TMEM170B: variants seen among roughly 807,000 people sequenced by gnomAD.
The protein encoded by TMEM170B is transmembrane protein 170B.
Under a neutral mutation model 13.0 loss-of-function variants are expected in TMEM170B, and 6 were observed. That is an observed-to-expected ratio of 0.46 (90% confidence interval 0.25 to 0.91). The LOEUF (loss-of-function observed/expected upper bound fraction) is 0.91. Among genes scored for constraint, TMEM170B ranks in the 40% least tolerant of loss-of-function variants. TMEM170B has a pLI of 0.17. For missense variants in TMEM170B, 138 were observed against 165.2 expected (o/e 0.84, Z 0.90); for synonymous variants, 61 against 64.9 (o/e 0.94, Z 0.29).
chr6:11,563,924 C>T (rs767935801), intron 1 of TMEM170B, among the ~76,000 whole-genome samples: 3 of 152,124 alleles, frequency 2.0e-5, no homozygotes, highest in Non-Finnish European at 4.4e-5. Context: ...GAGCTGTGGT[C>T]ACGCCACTGC....
intron 2 of TMEM170B, among the ~76,000 whole-genome samples, chr6:11,573,821 T>C (rs374336471): frequency 2.6e-5 from 4 of 152,304 alleles, no homozygotes; most frequent in African/African-American, 9.6e-5. Flanking sequence ...AGTATTACTC[T>C]AGTTTATTTT....
chr6:11,538,400 C>T, intron 1 of TMEM170B, 26 bp downstream of exon 1: 8 of 1,467,076 alleles, frequency 5.5e-6, no homozygotes, highest in Non-Finnish European at 6.4e-6. Context: ...GGGCTGGGGA[C>T]GGGGATGCGG....
In TMEM170B at chr6:11,559,196, T is replaced by C. The variant is rs1339217291; in HGVS notation, c.98-6470T>C. ...CTTTATATATTTTTTTCTTTTCTTT[T>C]CTTTTTTTTTTTTTTGAGACGGGGT... On this transcript the variant is annotated intron_variant, in intron 1 of 2. Transcript: ENST00000379426. Among the ~76,000 whole-genome samples the C allele has an allele frequency of 1.3e-5, 2 of 150,600 alleles. 1 individual carries two copies. The highest frequency in any genetic ancestry group is 4.2e-4 in the South Asian group (2 of 4,790).
At chr6:11,549,663 A>T (rs575426308) in intron 1 of TMEM170B, among the ~76,000 whole-genome samples, 15 of 129,490 alleles carry the variant, frequency 1.2e-4, no homozygotes, top group African/African-American at 3.8e-4. Flanking sequence ...ACTCCGTCTC[A>T]AAAAAAAAAA....
At position 11,558,748 on chromosome 6, in the gene TMEM170B, G is replaced by A. The variant is rs1206756764; in HGVS notation, c.98-6918G>A. ...ACCCACACCCTTGCCACAGGGCTGT[G>A]TACCCCATAGCATCACGTACATACT... On this transcript the variant is annotated intron_variant, in intron 1 of 2. Transcript: ENST00000379426. 1.3e-5 allele frequency among the ~76,000 whole-genome samples: 2 copies of A among 152,166 alleles called. 1 individual carries two copies. Among genetic ancestry groups the A allele is most frequent in the East Asian group, 3.8e-4 (2 of 5,204 alleles).
At chr6:11,567,612 A>G (rs191604681) in intron 2 of TMEM170B, among the ~76,000 whole-genome samples, 1 of 152,238 alleles carries the variant, frequency 6.6e-6, no homozygotes, top group East Asian at 1.9e-4. Flanking sequence ...CTTATCCTTC[A>G]ATTGCTATTT....
intron 1 of TMEM170B, among the ~76,000 whole-genome samples, chr6:11,538,682 C>G (rs929272142): frequency 8.5e-5 from 13 of 152,244 alleles, no homozygotes; most frequent in Non-Finnish European, 2.9e-5. Context: ...AGTGCTGAGA[C>G]TTGAGCGCAT....
chr6:11,566,564 TGA>T (rs1185539993), intron 2 of TMEM170B, among the ~76,000 whole-genome samples: 2 of 152,186 alleles, frequency 1.3e-5, no homozygotes, highest in African/African-American at 4.8e-5. Context: ...ATAATTCGAC[TGA>T]GGGGTGTAAG....
intron 2 of TMEM170B, 26 bp downstream of exon 2, chr6:11,565,862 G>C: frequency 6.2e-7 from 1 of 1,612,972 alleles, no homozygotes; most frequent in Non-Finnish European, 8.5e-7. Flanking sequence ...TTTGTCTGAG[G>C]ATGTAAGTTT....
intron 2 of TMEM170B, among the ~76,000 whole-genome samples, chr6:11,569,642 C>T (rs914828919): frequency 2.0e-5 from 3 of 152,132 alleles, no homozygotes; most frequent in African/African-American, 4.8e-5. Flanking sequence ...ACAGAGGCAT[C>T]GGGCATTCAG....
At chr6:11,560,330 AT>A (rs11292699) in intron 1 of TMEM170B, among the ~76,000 whole-genome samples, 130,848 of 139,828 alleles carry the variant, frequency 0.94, 61,492 homozygotes, top group South Asian at 0.99. Flanking sequence ...ACGCCCAGCT[AT>A]TTTTTTTTTT....
chr6:11,541,922 G>A (rs987659125), intron 1 of TMEM170B, among the ~76,000 whole-genome samples: 2 of 152,044 alleles, frequency 1.3e-5, no homozygotes, highest in Non-Finnish European at 2.9e-5. Flanking sequence ...GGAGCAGTGA[G>A]AACACACAAG....
At chr6:11,549,878 G>GA (rs1343697033) in intron 1 of TMEM170B, among the ~76,000 whole-genome samples, 1 of 151,892 alleles carries the variant, frequency 6.6e-6, no homozygotes, top group Non-Finnish European at 1.5e-5. Context: ...AGTAGGACTT[G>GA]AAAAAAATGA....
intron 2 of TMEM170B, among the ~76,000 whole-genome samples, chr6:11,574,076 T>G (rs1336613762): frequency 6.6e-6 from 1 of 152,146 alleles, no homozygotes; most frequent in Admixed American, 6.6e-5. Flanking sequence ...ATAGCCAGAC[T>G]AACCTGGATT....
Position 11,565,810 on chromosome 6 carries a change from C to T in TMEM170B, c.242C>T (p.Ala81Val). 6.2e-7 allele frequency: 1 copy of T among 1,614,118 alleles called. No homozygotes were observed. Among genetic ancestry groups the T allele is most frequent in the Non-Finnish European group, 8.5e-7 (1 of 1,179,994 alleles). ...SVIAVSIGFLASVTGAMITSA... is the reference protein window; with the variant it reads ...SVIAVSIGFLVSVTGAMITSA... ...ATTGCAGTCAGCATTGGATTTCTGG[C>T]TTCTGTAACTGGAGCGATGATTACC... The change falls in exon 2 of 3, where the codon GCT becomes GTT. Residue 81 changes from alanine (A) to valine (V), a missense_variant. Physicochemically the swap from Ala to Val is moderately conservative, Grantham distance 64. Transcript: ENST00000379426.
Position 11,575,503 on chromosome 6 carries a change from T to C in TMEM170B, c.341T>C (p.Val114Ala), listed in dbSNP as rs1582148080. ...CCTTTGGAAGCGCTGGTATGGGGCG[T>C]TGGACAGACTGTACTGACATTAATC... ...MAPLEALVWG[V>A]GQTVLTLIIS... Residue 114 changes from valine to alanine, a missense_variant, in exon 3 of 3, where the codon GTT becomes GCT. Coordinates refer to ENST00000379426, the MANE Select transcript of TMEM170B (RefSeq NM_001100829.3). This position sits in a 1 kb window ranked among gnomAD's most constrained non-coding sequence, Gnocchi z 4.1. 4.3e-6 allele frequency: 7 copies of C among 1,613,472 alleles called. 1 individual carries two copies. The South Asian group carries it at 5.5e-5, about 13-fold the overall frequency.
chr6:11,549,294 T>C (rs1179276935), intron 1 of TMEM170B, among the ~76,000 whole-genome samples: 1 of 151,066 alleles, frequency 6.6e-6, no homozygotes, highest in Non-Finnish European at 1.5e-5. Context: ...GATAGGTTAA[T>C]TTTTTATTTT....
Position 11,581,796 on chromosome 6 carries a change from G to A in TMEM170B, c.*6235G>A, listed in dbSNP as rs1350398435. 6.6e-6 allele frequency: 1 copy of A among 152,128 alleles called. No homozygotes were observed. Among genetic ancestry groups the A allele is most frequent in the Non-Finnish European group, 1.5e-5 (1 of 68,008 alleles). The allele number at this position is 152,128 out of a possible 1,614,324, so 9.4% of individuals were successfully genotyped here. A position where few individuals can be genotyped will look rare whatever the true frequency, so the allele number is the denominator to read the frequency against. ...GTTTTTAAAGTATTTACACATCATT[G>A]TTAAGTATTTTTGGAATGGAACATT... On this transcript the variant is annotated 3_prime_UTR_variant, in exon 3 of 3. Coordinates refer to ENST00000379426, the MANE Select transcript of TMEM170B (RefSeq NM_001100829.3).
chr6:11,553,308 G>A (rs1288419083), intron 1 of TMEM170B, among the ~76,000 whole-genome samples: 1 of 152,182 alleles, frequency 6.6e-6, no homozygotes, highest in Non-Finnish European at 1.5e-5. Context: ...AGGGTCTACT[G>A]TATCTTAAAA....
Sources: gnomAD v4.1 joint callset for allele counts (sites outside exome capture counted in the v4.1 genomes callset) on GRCh38, gnomAD v4.1.1 for gene constraint, Gnocchi (gnomAD v3.1) non-coding constraint, MANE v1.5 for transcripts, NCBI Gene and HGNC (gene_info 2026-07-23, HGNC 2026-07-21) for gene names.